The following DOP1A variants were observed in gnomAD, a reference collection of about 807,000 sequenced individuals.
DOP1A encodes the protein DOP1 leucine zipper like protein A.
Under a neutral mutation model 267.6 loss-of-function variants are expected in DOP1A, and 90 were observed. The ratio of observed to expected loss-of-function variants is 0.34; its 90% CI spans 0.28 to 0.40. DOP1A has a LOEUF of 0.40. Among genes scored for constraint, DOP1A ranks in the 10% least tolerant of loss-of-function variants. The pLI is 1.00. For synonymous variants in DOP1A, 932 were observed against 999.1 expected, an observed-to-expected ratio of 0.93 and a Z score of 1.27; for missense variants, 2,437 against 2,900.4, an observed-to-expected ratio of 0.84 and a Z score of 3.67.
rs1774322458 is a variant in DOP1A at position 83,110,238 on chromosome 6, A to G, written c.605A>G (p.Tyr202Cys). Residue 202 changes from tyrosine (Y) to cysteine (C), a missense_variant, in exon 6 of 39, where the codon TAT (tyrosine) becomes TGT (cysteine). Around this residue, in one of 9 missense-constraint regions of DOP1A, gnomAD observed 251 missense variants for 359.1 expected, o/e 0.70. Transcript: ENST00000349129. ...GCTGTGCGTTTACCTGGAATCACGT[A>G]TGTTCTTGCCCATTTAAACAGGAAG... Reference protein sequence around the residue: ...SPAVRLPGITYVLAHLNRKLS... With the variant: ...SPAVRLPGITCVLAHLNRKLS... 1.2e-6 allele frequency: 2 copies of G among 1,613,966 alleles called. No individual in the cohort carries two copies. Among genetic ancestry groups the G allele is most frequent in the Non-Finnish European group, 8.5e-7 (1 of 1,179,994 alleles).
rs773117156 is a variant in DOP1A, at chr6:83,109,040, A to G, written c.451A>G (p.Ile151Val). 6 of 1,613,476 alleles carry G rather than the reference A, an allele frequency of 3.7e-6. No homozygotes were observed. The highest frequency in any genetic ancestry group is 3.3e-5 in the South Asian group (3 of 91,080). The change falls in exon 5 of 39, where the codon ATT becomes GTT. Residue 151 changes from isoleucine to valine, a missense_variant. Physicochemically the swap from Ile to Val is conservative, Grantham distance 29. Coordinates refer to ENST00000349129, the MANE Select transcript of DOP1A (RefSeq NM_015018.4). ...KPGLQGLLTGILPGLEEGSEY... is the reference protein window; with the variant it reads ...KPGLQGLLTGVLPGLEEGSEY... ...TGGTCTACAGGGATTGCTTACTGGT[A>G]TTCTTCCTGGCTTAGAAGAAGGATC...
In DOP1A at chr6:83,151,982, C is replaced by G. The variant is rs1039431078; in HGVS notation, c.6004C>G (p.Pro2002Ala). The change falls in exon 29 of 39, where the codon CCC (proline) becomes GCC (alanine). Residue 2002 changes from proline (P) to alanine (A), a missense_variant. Physicochemically the swap from Pro to Ala is conservative, Grantham distance 27. Transcript: ENST00000349129. ...ACGAAATCTTGAAGTTAAGCCTTCT[C>G]CCAAAATAATGGTAGATGGAACCAA... ...LRRNLEVKPSPKIMVDGTNLE... is the reference protein window; with the variant it reads ...LRRNLEVKPSAKIMVDGTNLE... 1 of 1,613,722 alleles carries G rather than the reference C, an allele frequency of 6.2e-7. No individual in the cohort carries two copies. The highest frequency in any genetic ancestry group is 1.7e-5 in the Admixed American group (1 of 59,980).
At chr6:83,145,485 A>C (rs374690772) in intron 24 of DOP1A, 39 bp from the exon 25 acceptor site, 1 of 1,509,602 alleles carries the variant, frequency 6.6e-7, no homozygotes, top group African/African-American at 1.4e-5. Context: ...TAAAAGACTT[A>C]TATACATACA....
chr6:83,170,539 T>C, downstream of DOP1A: 2 of 1,317,564 alleles, frequency 1.5e-6, no homozygotes, highest in Non-Finnish European at 2.2e-6. Context: ...GCTTAACCTG[T>C]TAAACATACA....
downstream of DOP1A, chr6:83,169,053 T>G: frequency 1.4e-6 from 2 of 1,404,724 alleles, no homozygotes; most frequent in Non-Finnish European, 9.2e-7. Context: ...TTAACAAGTG[T>G]AAGGCTTACC....
At chr6:83,121,307 A>G (rs890568560) in intron 10 of DOP1A, among the ~76,000 whole-genome samples, 1 of 151,814 alleles carries the variant, frequency 6.6e-6, no homozygotes, top group Non-Finnish European at 1.5e-5. Context: ...TTATATACAG[A>G]TGTTTTAGCA....
At chr6:83,145,791 C>A in intron 25 of DOP1A, 133 bp downstream of exon 25, 1 of 736,208 alleles carries the variant, frequency 1.4e-6, no homozygotes, top group East Asian at 2.8e-5. Flanking sequence ...GGCCCTCACA[C>A]TGCTTCAATC....
At chr6:83,076,760 C>T (rs541028630) in intron 1 of DOP1A, among the ~76,000 whole-genome samples, 7 of 152,240 alleles carry the variant, frequency 4.6e-5, no homozygotes, top group South Asian at 2.1e-4. Flanking sequence ...GCAGCAATCC[C>T]GCTTTTGGAT....
At chr6:83,081,769 G>A (rs1768117080) in intron 1 of DOP1A, among the ~76,000 whole-genome samples, 1 of 152,144 alleles carries the variant, frequency 6.6e-6, no homozygotes, top group African/African-American at 2.4e-5. Context: ...TACAGGATGG[G>A]AGAAAATATC....
intron 1 of DOP1A, among the ~76,000 whole-genome samples, chr6:83,086,732 GT>G (rs1298440805): frequency 6.6e-6 from 1 of 152,088 alleles, no homozygotes; most frequent in Non-Finnish European, 1.5e-5. Context: ...TTTTATACGG[GT>G]TTTTTTCCTG....
downstream of DOP1A, chr6:83,169,842 C>A (rs187369848): frequency 4.9e-4 from 225 of 456,526 alleles, 1 homozygote; most frequent in Admixed American, 5.2e-3. Flanking sequence ...GTCTTGACCC[C>A]TGTCAGGGAA....
intron 33 of DOP1A, 84 bp from the exon 34 acceptor site, chr6:83,155,867 T>G (rs906335399): frequency 2.7e-6 from 4 of 1,489,810 alleles, no homozygotes; most frequent in Non-Finnish European, 3.6e-6. Context: ...TTGGATGTCA[T>G]AGAGCATCTA....
chr6:83,077,625 A>G (rs1387804600), intron 1 of DOP1A, among the ~76,000 whole-genome samples: 1 of 152,238 alleles, frequency 6.6e-6, no homozygotes, highest in Admixed American at 6.5e-5. Context: ...TCAGTGAGCC[A>G]TGATTGTGCC....
chr6:83,108,748 G>C (rs757104507), intron 4 of DOP1A, among the ~76,000 whole-genome samples, 162 bp from the exon 5 acceptor site: 7 of 152,088 alleles, frequency 4.6e-5, no homozygotes, highest in African/African-American at 1.4e-4. Context: ...TGAGAGAACT[G>C]GTCTGGTTTA....
At chr6:83,145,721 T>A (rs1780541285) in intron 25 of DOP1A, 63 bp downstream of exon 25, 1 of 1,459,188 alleles carries the variant, frequency 6.9e-7, no homozygotes, top group Non-Finnish European at 9.3e-7. Context: ...GCTGGTAAGA[T>A]TTTTTTTTGT....
intron 3 of DOP1A, among the ~76,000 whole-genome samples, chr6:83,099,854 A>G (rs1052479958): frequency 6.6e-6 from 1 of 152,036 alleles, no homozygotes; most frequent in African/African-American, 2.4e-5. Flanking sequence ...CTTTTGCACT[A>G]ACCTATTATT....
chr6:83,073,182 G>A (rs994034532), intron 1 of DOP1A: 3 of 168,282 alleles, frequency 1.8e-5, no homozygotes, highest in Non-Finnish European at 3.9e-5. Context: ...TCCTGGGTTC[G>A]AGCGATTCTC....
chr6:83,093,152 T>C (rs750647754), intron 1 of DOP1A, among the ~76,000 whole-genome samples: 12 of 152,202 alleles, frequency 7.9e-5, no homozygotes, highest in Non-Finnish European at 2.9e-5. Context: ...ACTGTCCCAA[T>C]TGGGAATGAA....
rs1252583813 is a variant in DOP1A at position 83,135,612 on chromosome 6, A to G, written c.2871-7A>G. 2.1e-5 allele frequency: 34 copies of G among 1,605,914 alleles called. No homozygotes were observed. Among genetic ancestry groups the G allele is most frequent in the Non-Finnish European group, 2.6e-5 (31 of 1,174,778 alleles). ...TTCTTTATTTTAATTATTTGTGTTT[A>G]TTTTAGGTCACTGTTCATCATGTTA... On this transcript the variant is annotated splice_polypyrimidine_tract_variant and splice_region_variant and intron_variant, in intron 19 of 38. Coordinates refer to ENST00000349129, the MANE Select transcript of DOP1A (RefSeq NM_015018.4).
Sources: gnomAD v4.1 joint callset for allele counts (sites outside exome capture counted in the v4.1 genomes callset) on GRCh38, gnomAD v4.1.1 for gene constraint, gnomAD v4.1.1 regional missense constraint, MANE v1.5 for transcripts, NCBI Gene and HGNC (gene_info 2026-07-23, HGNC 2026-07-21) for gene names.